Variants in SH3RF3 observed in about 807,000 individuals in gnomAD.
SH3RF3 encodes SH3 domain containing ring finger 3.
In SH3RF3, 29 loss-of-function variants were observed where a neutral mutation model predicts 66.3. The ratio of observed to expected loss-of-function variants is 0.44; its 90% CI spans 0.33 to 0.60. The LOEUF (loss-of-function observed/expected upper bound fraction) is 0.60, where lower values mean the gene tolerates loss of function less well. Among genes scored for constraint, SH3RF3 ranks in the 20% least tolerant of loss-of-function variants. The pLI, the probability that SH3RF3 is intolerant of heterozygous loss-of-function variation, is 0.04. For missense variants in SH3RF3, 1,194 were observed against 1,190.9 expected (o/e 1.00, Z -0.04); for synonymous variants, 583 against 532.0 (o/e 1.10, Z -1.32).
At chr2:109,192,798 T>C (rs1291440205) in intron 1 of SH3RF3, among the ~76,000 whole-genome samples, 1 of 152,218 alleles carries the variant, frequency 6.6e-6, no homozygotes, top group Non-Finnish European at 1.5e-5. Context: ...GTTCAGACTT[T>C]GACAAATATG....
chr2:109,407,470 C>G (rs1676479480), intron 4 of SH3RF3, among the ~76,000 whole-genome samples: 1 of 152,104 alleles, frequency 6.6e-6, no homozygotes, highest in Admixed American at 6.5e-5. Context: ...ATCTCTGCCA[C>G]AGGACAGACA....
At position 109,410,026 on chromosome 2, in the gene SH3RF3, G is replaced by A. The variant is rs961604568; in HGVS notation, c.1300-9513G>A. 3.3e-5 allele frequency among the ~76,000 whole-genome samples: 5 copies of A among 152,226 alleles called. No individual in the cohort carries two copies. The South Asian group carries it at 1.0e-3, about 32-fold the overall frequency. On this transcript the variant is annotated intron_variant, in intron 4 of 9. Transcript: ENST00000309415. ...CGGAGCCCCCGTACAGCCTGCCAAC[G>A]CCCAGACCCTCTTTTTTCCCTTTTA...
chr2:109,202,688 C>A (rs1177483667), intron 1 of SH3RF3, among the ~76,000 whole-genome samples: 1 of 152,202 alleles, frequency 6.6e-6, no homozygotes, highest in Non-Finnish European at 1.5e-5. Flanking sequence ...TGAGCACCTT[C>A]TCTCCCTGAG....
chr2:109,480,836 G>A (rs538116935), intron 8 of SH3RF3, among the ~76,000 whole-genome samples: 11 of 152,306 alleles, frequency 7.2e-5, no homozygotes, highest in Admixed American at 4.6e-4. Context: ...CATGGAGGGC[G>A]GTTCGCTGTT....
intron 1 of SH3RF3, among the ~76,000 whole-genome samples, chr2:109,321,725 G>A (rs556895775): frequency 1.6e-3 from 243 of 152,352 alleles, no homozygotes; most frequent in African/African-American, 5.4e-3. Context: ...TGCAACTCAA[G>A]TATAGACAGA....
At chr2:109,258,111 C>T (rs1680264114) in intron 1 of SH3RF3, among the ~76,000 whole-genome samples, 1 of 152,144 alleles carries the variant, frequency 6.6e-6, no homozygotes, top group South Asian at 2.1e-4. Context: ...CTTAACCGGC[C>T]CAGACATTGG....
chr2:109,343,794 G>C (rs1051380105), intron 1 of SH3RF3, among the ~76,000 whole-genome samples: 3 of 151,698 alleles, frequency 2.0e-5, no homozygotes, highest in Non-Finnish European at 4.4e-5. Context: ...ACCTAGGCTG[G>C]AGTGCAGTGG....
chr2:109,187,019 G>A (rs1678208357), intron 1 of SH3RF3, among the ~76,000 whole-genome samples: 1 of 149,756 alleles, frequency 6.7e-6, no homozygotes, highest in Non-Finnish European at 1.5e-5. Context: ...GCTGGGCCTA[G>A]CCCTGGCACC....
intron 1 of SH3RF3, among the ~76,000 whole-genome samples, chr2:109,204,155 AT>A (rs1420843962): frequency 1.3e-5 from 2 of 152,178 alleles, no homozygotes; most frequent in Non-Finnish European, 2.9e-5. Flanking sequence ...TCTCTTCTCC[AT>A]TTAGATTCAG....
chr2:109,241,570 C>T (rs961682768), intron 1 of SH3RF3, among the ~76,000 whole-genome samples: 6 of 152,106 alleles, frequency 3.9e-5, no homozygotes, highest in African/African-American at 1.4e-4. Flanking sequence ...TCTTCCCTCC[C>T]ACTTGGCCTC....
rs1202707812 is a variant in SH3RF3, at chr2:109,129,385, C to G, written c.-156C>G. 1 of 1,274,578 alleles carries G rather than the reference C, an allele frequency of 7.8e-7. No homozygotes were observed. The highest frequency in any genetic ancestry group is 1.1e-6 in the Non-Finnish European group (1 of 931,036). The allele number at this position is 1,274,578 out of a possible 1,614,324, so 79.0% of individuals were successfully genotyped here. ...ACGCAGGCCGGTCGGTGAGCCACTT[C>G]GCACCGCCACAGCCCTAGCATCGGG... On this transcript the variant is annotated 5_prime_UTR_variant, in exon 1 of 10. Coordinates refer to ENST00000309415, the MANE Select transcript of SH3RF3 (RefSeq NM_001099289.3).
chr2:109,210,556 C>T (rs967898766), intron 1 of SH3RF3, among the ~76,000 whole-genome samples: 1 of 152,152 alleles, frequency 6.6e-6, no homozygotes, highest in African/African-American at 2.4e-5. Context: ...TTCAAGAGCT[C>T]AGGGCAAATG....
intron 1 of SH3RF3, among the ~76,000 whole-genome samples, chr2:109,249,507 TTCA>T (rs1558981345): frequency 3.7e-5 from 2 of 54,368 alleles, no homozygotes; most frequent in African/African-American, 7.3e-5. Context: ...CTTTCTTTCT[TTCA>T]TTCTTTCTTT....
At chr2:109,291,691 G>A (rs1248063984) in intron 1 of SH3RF3, among the ~76,000 whole-genome samples, 3 of 152,102 alleles carry the variant, frequency 2.0e-5, no homozygotes, top group Non-Finnish European at 2.9e-5. Context: ...GCCTTAAGTC[G>A]CTCCTCTTTG....
chr2:109,131,738 G>C (rs1676701014), intron 1 of SH3RF3, among the ~76,000 whole-genome samples: 1 of 152,186 alleles, frequency 6.6e-6, no homozygotes, highest in Non-Finnish European at 1.5e-5. Flanking sequence ...GTGACATTTA[G>C]TATTAGCAGG....
At chr2:109,486,702 G>T (rs1678986421) in intron 8 of SH3RF3, among the ~76,000 whole-genome samples, 1 of 152,096 alleles carries the variant, frequency 6.6e-6, no homozygotes, top group Non-Finnish European at 1.5e-5. Context: ...ACCCAGCAGT[G>T]TGGTTGGCGC....
chr2:109,209,649 G>A (rs1678922394), intron 1 of SH3RF3, among the ~76,000 whole-genome samples: 1 of 152,168 alleles, frequency 6.6e-6, no homozygotes, highest in Non-Finnish European at 1.5e-5. Flanking sequence ...CTGTGAATCA[G>A]TCGACTGCTC....
intron 9 of SH3RF3, among the ~76,000 whole-genome samples, chr2:109,498,387 G>A (rs777077211): frequency 1.5e-4 from 23 of 152,180 alleles, no homozygotes; most frequent in Non-Finnish European, 1.8e-4. Context: ...CCAGCCTGGT[G>A]CAAGCTGGGC....
intron 1 of SH3RF3, among the ~76,000 whole-genome samples, chr2:109,229,193 A>AT (rs1679441759): frequency 6.6e-6 from 1 of 152,126 alleles, no homozygotes; most frequent in African/African-American, 2.4e-5. Context: ...AAGACCAAAT[A>AT]TGTATTTTTA....
Sources: allele counts gnomAD v4.1 joint callset (sites outside exome capture counted in the v4.1 genomes callset), GRCh38; gene constraint gnomAD v4.1.1; transcripts MANE v1.5; gene names NCBI Gene and HGNC (gene_info 2026-07-23, HGNC 2026-07-21).